SUGCT: variants seen among roughly 807,000 people sequenced by gnomAD.
SUGCT encodes the protein succinyl-CoA:glutarate CoA-transferase.
Under a neutral mutation model 55.0 loss-of-function variants are expected in SUGCT, and 41 were observed. The ratio of observed to expected loss-of-function variants is 0.74; its 90% CI spans 0.58 to 0.97. SUGCT has a LOEUF of 0.97. Among genes scored for constraint, SUGCT ranks in the 50% least tolerant of loss-of-function variants. SUGCT has a pLI of 0.00. For missense variants in SUGCT, 568 were observed against 547.8 expected, an observed-to-expected ratio of 1.04 and a Z score of -0.37; for synonymous variants, 187 against 200.4, an observed-to-expected ratio of 0.93 and a Z score of 0.56.
At chr7:40,382,172 C>T (rs1433707542) in intron 9 of SUGCT, among the ~76,000 whole-genome samples, 1 of 151,880 alleles carries the variant, frequency 6.6e-6, no homozygotes, top group African/African-American at 2.4e-5. Flanking sequence ...CCCTGTGTAG[C>T]CTCTTTTAAG....
At chr7:40,769,016 C>G (rs1271277168) in intron 13 of SUGCT, among the ~76,000 whole-genome samples, 1 of 151,880 alleles carries the variant, frequency 6.6e-6, no homozygotes, top group Non-Finnish European at 1.5e-5. Context: ...CTTGAGAGGG[C>G]AGAACTAGGG....
At chr7:40,513,144 A>G (rs1485355266) in intron 12 of SUGCT, among the ~76,000 whole-genome samples, 2 of 152,188 alleles carry the variant, frequency 1.3e-5, no homozygotes, top group Non-Finnish European at 2.9e-5. Flanking sequence ...AGCCACATTT[A>G]ACACAACCTA....
intron 12 of SUGCT, among the ~76,000 whole-genome samples, chr7:40,505,191 T>TG: frequency 6.6e-6 from 1 of 152,314 alleles, no homozygotes. Flanking sequence ...TTCTCTTTCA[T>TG]GGTGGTTGAT....
At chr7:40,757,290 G>C (rs73125725) in intron 13 of SUGCT, among the ~76,000 whole-genome samples, 1 of 152,136 alleles carries the variant, frequency 6.6e-6, no homozygotes, top group Non-Finnish European at 1.5e-5. Flanking sequence ...AGTTACTGTC[G>C]CTGATACAAC....
At chr7:40,205,253 TCAACAAAA>T (rs995914171) in intron 6 of SUGCT, among the ~76,000 whole-genome samples, 1 of 151,594 alleles carries the variant, frequency 6.6e-6, no homozygotes, top group African/African-American at 2.4e-5. Flanking sequence ...AGACTCTGTC[TCAACAAAA>T]CAACAAAACA....
chr7:40,316,821 G>A lies in SUGCT; in HGVS notation c.782G>A (p.Trp261Ter), dbSNP rs1795457964. ...ATTGGTCAAAAGGAAGCAAAACGTT[G>A]GGGTACAGCTCATGGCAGTATCGTT... ...YLIGQKEAKR[W>*]GTAHGSIVPY... Residue 261 changes from tryptophan to a stop codon, truncating the protein, a stop_gained, in exon 9 of 14, where the codon TGG (tryptophan) becomes TAG (stop). Transcript: ENST00000335693. LOFTEE classifies it high-confidence loss of function. The A allele has an allele frequency of 6.2e-7, 1 of 1,600,290 alleles. No homozygotes were observed. Among genetic ancestry groups the A allele is most frequent in the Admixed American group, 1.7e-5 (1 of 58,430 alleles).
At chr7:40,932,043 T>G in the SUGCT span, among the ~76,000 whole-genome samples, 17 of 152,232 alleles carry the variant, frequency 1.1e-4, no homozygotes, top group African/African-American at 4.1e-4. Context: ...TCTTTCCTGC[T>G]TTCTCTTGTG....
At chr7:40,884,372 T>A in the SUGCT span, among the ~76,000 whole-genome samples, 2 of 152,236 alleles carry the variant, frequency 1.3e-5, no homozygotes, top group Non-Finnish European at 2.9e-5. Context: ...CCTTTGCTCA[T>A]AACCCTCTGG....
At chr7:40,496,802 C>T (rs373303087) in intron 12 of SUGCT, among the ~76,000 whole-genome samples, 2 of 102,660 alleles carry the variant, frequency 1.9e-5, no homozygotes, top group South Asian at 2.5e-4. Flanking sequence ...ATATGATTAT[C>T]TCTCTGATCA....
intron 6 of SUGCT, 71 bp downstream of exon 6, chr7:40,195,131 A>G: frequency 1.4e-6 from 2 of 1,397,060 alleles, no homozygotes; most frequent in Admixed American, 2.7e-5. Context: ...GCTATAAGAA[A>G]CCTTTTGCTG....
chr7:40,384,757 CTGGTTT>C (rs55897940), intron 9 of SUGCT, among the ~76,000 whole-genome samples: 122,759 of 151,190 alleles, frequency 0.81, 50,779 homozygotes, highest in Middle Eastern at 0.9. Context: ...GTTGGCCAGG[CTGGTTT>C]TGAATGCCTG....
chr7:40,856,501 A>G (rs922636351), intron 13 of SUGCT, among the ~76,000 whole-genome samples: 2 of 152,330 alleles, frequency 1.3e-5, no homozygotes, highest in East Asian at 3.9e-4. Context: ...AGGACAGTAC[A>G]TGAAATAATG....
At chr7:40,322,433 C>T (rs1795804720) in intron 9 of SUGCT, among the ~76,000 whole-genome samples, 2 of 152,136 alleles carry the variant, frequency 1.3e-5, no homozygotes, top group African/African-American at 4.8e-5. Context: ...TACAGTGAAT[C>T]CCTTCCCAAG....
chr7:41,013,613 C>A, the SUGCT span, among the ~76,000 whole-genome samples: 2 of 152,128 alleles, frequency 1.3e-5, no homozygotes, highest in African/African-American at 2.4e-5. Context: ...TTATCTATGC[C>A]TGTATATGCA....
intron 6 of SUGCT, among the ~76,000 whole-genome samples, chr7:40,216,348 A>T (rs1787637302): frequency 6.6e-6 from 1 of 151,578 alleles, no homozygotes; most frequent in Admixed American, 6.6e-5. Context: ...CAAAAATACA[A>T]AAATTAGCTG....
At chr7:40,732,827 C>G (rs1412104052) in intron 12 of SUGCT, among the ~76,000 whole-genome samples, 3 of 152,164 alleles carry the variant, frequency 2.0e-5, no homozygotes, top group African/African-American at 7.2e-5. Context: ...TGAGCCAACA[C>G]GCCTGTAATC....
chr7:40,920,351 C>T, the SUGCT span, among the ~76,000 whole-genome samples: 1 of 152,226 alleles, frequency 6.6e-6, no homozygotes, highest in South Asian at 2.1e-4. Flanking sequence ...GGACAAATGA[C>T]AATTATGAGT....
At chr7:40,726,561 A>G (rs1786622963) in intron 12 of SUGCT, among the ~76,000 whole-genome samples, 3 of 152,302 alleles carry the variant, frequency 2.0e-5, no homozygotes, top group South Asian at 2.1e-4. Context: ...CCCAATATGT[A>G]CTAACCTGCA....
At chr7:40,570,542 T>G (rs2151686489) in intron 12 of SUGCT, among the ~76,000 whole-genome samples, 1 of 152,330 alleles carries the variant, frequency 6.6e-6, no homozygotes, top group South Asian at 2.1e-4. Flanking sequence ...ACTGTTAATG[T>G]GCATGGAGCA....
Sources: gnomAD v4.1 joint callset for allele counts (sites outside exome capture counted in the v4.1 genomes callset) on GRCh38, gnomAD v4.1.1 for gene constraint, MANE v1.5 for transcripts, NCBI Gene and HGNC (gene_info 2026-07-23, HGNC 2026-07-21) for gene names.